Variants in EFNA5 observed in about 807,000 individuals in gnomAD.
EFNA5 encodes ephrin A5.
In EFNA5, 5 loss-of-function variants were observed where a neutral mutation model predicts 22.9. That is an observed-to-expected ratio of 0.22 (90% CI 0.11 to 0.46). EFNA5 has a LOEUF of 0.46. EFNA5 is among the 20% of genes least tolerant of loss of function. EFNA5 has a pLI of 0.99. For synonymous variants in EFNA5, 113 were observed against 112.2 expected (o/e 1.01, Z -0.04); for missense variants, 237 against 293.3 (o/e 0.81, Z 1.40).
chr5:107,478,648 G>T (rs921333808), intron 1 of EFNA5, among the ~76,000 whole-genome samples: 1 of 152,186 alleles, frequency 6.6e-6, no homozygotes, highest in Non-Finnish European at 1.5e-5. Flanking sequence ...AAAAAGTACG[G>T]AGAAGTAGCA....
intron 1 of EFNA5, among the ~76,000 whole-genome samples, chr5:107,508,786 C>A (rs1747302197): frequency 6.6e-6 from 1 of 152,128 alleles, no homozygotes; most frequent in Non-Finnish European, 1.5e-5. Flanking sequence ...GAAAAAAGTT[C>A]TAGAAGTTAA....
chr5:107,382,399 G>T (rs1251103774), intron 4 of EFNA5, among the ~76,000 whole-genome samples: 2 of 152,018 alleles, frequency 1.3e-5, no homozygotes, highest in Non-Finnish European at 2.9e-5. Flanking sequence ...TAGAGGTAAG[G>T]TCTTGCTCTG....
intron 1 of EFNA5, among the ~76,000 whole-genome samples, chr5:107,611,550 T>C (rs749300577): frequency 3.3e-5 from 5 of 152,244 alleles, no homozygotes; most frequent in Admixed American, 6.5e-5. Flanking sequence ...GTTTTCTTTA[T>C]TCTATTTCAG....
intron 1 of EFNA5, among the ~76,000 whole-genome samples, chr5:107,557,031 G>A (rs570452927): frequency 1.3e-5 from 2 of 152,160 alleles, no homozygotes; most frequent in East Asian, 3.9e-4. Flanking sequence ...TACTTAGGAA[G>A]AAATTAAACG....
At chr5:107,644,342 T>TA (rs950317157) in intron 1 of EFNA5, among the ~76,000 whole-genome samples, 1 of 152,042 alleles carries the variant, frequency 6.6e-6, no homozygotes, top group African/African-American at 2.4e-5. Flanking sequence ...AGTGTTTACT[T>TA]AAAAAATGAG....
At chr5:107,595,919 A>G (rs1256572729) in intron 1 of EFNA5, among the ~76,000 whole-genome samples, 1 of 152,254 alleles carries the variant, frequency 6.6e-6, no homozygotes, top group African/African-American at 2.4e-5. Flanking sequence ...AAAAGCAAAA[A>G]TGAAAAAGAA....
At chr5:107,654,333 G>A (rs181100442) in intron 1 of EFNA5, among the ~76,000 whole-genome samples, 1 of 151,948 alleles carries the variant, frequency 6.6e-6, no homozygotes, top group East Asian at 1.9e-4. Flanking sequence ...TTTTGTATTT[G>A]CCAGTGGGTT....
intron 1 of EFNA5, among the ~76,000 whole-genome samples, chr5:107,595,494 C>T (rs1427878097): frequency 1.3e-5 from 2 of 152,026 alleles, no homozygotes; most frequent in South Asian, 2.1e-4. Context: ...TTTTTACATT[C>T]ATAATTTAAT....
intron 1 of EFNA5, among the ~76,000 whole-genome samples, chr5:107,551,791 T>C (rs1368377357): frequency 6.6e-6 from 1 of 152,204 alleles, no homozygotes; most frequent in African/African-American, 2.4e-5. Context: ...TCTGAACATT[T>C]ACTGTAAAAT....
chr5:107,540,709 T>C (rs1004868061), intron 1 of EFNA5, among the ~76,000 whole-genome samples: 6 of 152,230 alleles, frequency 3.9e-5, no homozygotes, highest in Non-Finnish European at 8.8e-5. Flanking sequence ...ACTTATACTT[T>C]AAAGATCTTA....
Position 107,387,241 on chromosome 5 carries a change from G to C in EFNA5, c.559C>G (p.Pro187Ala), listed in dbSNP as rs2112487548. The stretch of plus-strand genomic sequence containing the variant: ...ATTCTCTAAGCATACTAACCTGCTG[G>C]TTCTAATGAATTTTCTACTTTGTCG... ...VNDKVENSLE[P>A]ADDTVHESAE... The change falls in exon 4 of 5, where the codon CCA becomes GCA. Residue 187 changes from proline (P) to alanine (A), a missense_variant. Physicochemically the swap from Pro to Ala is conservative, Grantham distance 27. Coordinates refer to ENST00000333274, the MANE Select transcript of EFNA5 (RefSeq NM_001962.3). 1.2e-6 allele frequency: 2 copies of C among 1,603,132 alleles called. No homozygotes were observed. The highest frequency in any genetic ancestry group is 1.7e-6 in the Non-Finnish European group (2 of 1,172,726).
rs538738254 is a variant in EFNA5, at chr5:107,605,650, T to G, written c.125+64839A>C. On this transcript the variant is annotated intron_variant, in intron 1 of 4. Transcript: ENST00000333274. Reference sequence around the variant, plus strand: ...CATTGCCAGCACCTTTCTCTTTTTTTGGGGTGCAAAAGTGGTTCGTTGATC... The same window carrying G: ...CATTGCCAGCACCTTTCTCTTTTTTGGGGGTGCAAAAGTGGTTCGTTGATC... 2.9e-4 allele frequency among the ~76,000 whole-genome samples: 44 copies of G among 152,176 alleles called. 1 individual carries two copies. Among genetic ancestry groups the G allele is most frequent in the South Asian group, 1.0e-3 (5 of 4,804 alleles).
intron 1 of EFNA5, among the ~76,000 whole-genome samples, chr5:107,626,740 C>A (rs1040644022): frequency 2.0e-5 from 3 of 152,190 alleles, no homozygotes; most frequent in Non-Finnish European, 4.4e-5. Flanking sequence ...TTATTAAACT[C>A]TGACTGTTTC....
chr5:107,401,060 T>C (rs768288958), intron 2 of EFNA5, among the ~76,000 whole-genome samples: 1 of 152,238 alleles, frequency 6.6e-6, no homozygotes, highest in Non-Finnish European at 1.5e-5. Flanking sequence ...GCTTCTAGCA[T>C]ATGAAAAGCC....
intron 1 of EFNA5, among the ~76,000 whole-genome samples, chr5:107,481,676 G>A (rs528318808): frequency 6.6e-6 from 1 of 151,588 alleles, no homozygotes; most frequent in South Asian, 2.1e-4. Context: ...TGGTGAAACC[G>A]TGTCTCTGCT....
intron 1 of EFNA5, among the ~76,000 whole-genome samples, chr5:107,542,217 T>TA (rs1428806008): frequency 1.3e-5 from 2 of 152,072 alleles, no homozygotes; most frequent in African/African-American, 4.8e-5. Flanking sequence ...TAATATTGTT[T>TA]AAAAAAAGTC....
intron 2 of EFNA5, among the ~76,000 whole-genome samples, chr5:107,392,646 A>G (rs1747819165): frequency 6.6e-6 from 1 of 152,192 alleles, no homozygotes; most frequent in African/African-American, 2.4e-5. Context: ...TTTAGCCACA[A>G]AATTTGGGGG....
intron 1 of EFNA5, among the ~76,000 whole-genome samples, chr5:107,480,606 C>T (rs1400948104): frequency 2.0e-5 from 3 of 152,162 alleles, no homozygotes; most frequent in South Asian, 2.1e-4. Context: ...GTATCCAATA[C>T]ACCAATTACG....
intron 2 of EFNA5, among the ~76,000 whole-genome samples, chr5:107,401,956 A>G (rs1289764735): frequency 6.6e-6 from 1 of 152,210 alleles, no homozygotes; most frequent in Non-Finnish European, 1.5e-5. Flanking sequence ...TAAAGACTCT[A>G]CTTAGCTCCT....
Sources: gnomAD v4.1 joint callset for allele counts (sites outside exome capture counted in the v4.1 genomes callset) on GRCh38, gnomAD v4.1.1 for gene constraint, MANE v1.5 for transcripts, NCBI Gene and HGNC (gene_info 2026-07-23, HGNC 2026-07-21) for gene names.